Variants in XKRX observed in about 807,000 individuals in gnomAD.
XKRX encodes the protein XK-related protein 2.
In XKRX, 11 loss-of-function variants were observed where a neutral mutation model predicts 22.4. The observed-to-expected ratio is 0.49, with a 90% CI of 0.31 to 0.81. The LOEUF (loss-of-function observed/expected upper bound fraction) is 0.81. XKRX is among the 40% of genes least tolerant of loss of function. XKRX has a pLI of 0.05. For missense variants in XKRX, 320 were observed against 336.5 expected (o/e 0.95, Z 0.38); for synonymous variants, 114 against 132.2 (o/e 0.86, Z 0.94).
At chrX:100,892,513 A>G in the XKRX span, among the ~76,000 whole-genome samples, 4 of 112,513 alleles carry the variant, frequency 3.6e-5, no homozygotes, top group African/African-American at 1.3e-4. Context: ...AAATGAGCAA[A>G]GGATCTGAAT....
the XKRX span, among the ~76,000 whole-genome samples, chrX:100,894,020 GC>G: frequency 9.8e-5 from 11 of 111,849 alleles, no homozygotes; most frequent in Non-Finnish European, 1.9e-4. Flanking sequence ...TGTAATCCCA[GC>G]CCTTTGGGAG....
chrX:100,943,571 T>C, the XKRX span, among the ~76,000 whole-genome samples: 5 of 111,171 alleles, frequency 4.5e-5, no homozygotes, highest in Non-Finnish European at 9.4e-5. Flanking sequence ...GCCCAGCTAA[T>C]TTTTGTATTT....
At chrX:100,915,129 T>C in intron 2 of XKRX, 46 bp from the exon 3 acceptor site, 1 of 1,170,535 alleles carries the variant, frequency 8.5e-7, no homozygotes, top group Non-Finnish European at 1.1e-6. Flanking sequence ...TCAGTCAATG[T>C]TGGTAATGAA....
At chrX:100,950,460 A>T in the XKRX span, among the ~76,000 whole-genome samples, 1 of 112,365 alleles carries the variant, frequency 8.9e-6, no homozygotes. Context: ...AACTTGTAAC[A>T]TTTCTCTCTC....
upstream of XKRX, among the ~76,000 whole-genome samples, chrX:100,930,349 G>A (rs191343954): frequency 5.1e-4 from 56 of 109,489 alleles, no homozygotes; most frequent in Non-Finnish European, 9.9e-4. Context: ...AGCAGAGCCT[G>A]TGCCAATCTC....
chrX:100,919,416 T>C (rs772575758), intron 2 of XKRX, among the ~76,000 whole-genome samples: 1 of 112,167 alleles, frequency 8.9e-6, no homozygotes, highest in South Asian at 3.7e-4. Flanking sequence ...ATATTAAATA[T>C]ATCACACACA....
chrX:100,923,998 G>A lies in XKRX; in HGVS notation c.336-937C>T, dbSNP rs1485015280. Among the ~76,000 whole-genome samples, 5 of 84,938 alleles carry A rather than the reference G, an allele frequency of 5.9e-5. No homozygotes were observed. In the East Asian group the frequency reaches 1.1e-3, roughly 18 times the overall value. 73.8% of individuals were successfully genotyped at this position (84,938 alleles called of 115,157 possible). A position where few individuals can be genotyped will look rare whatever the true frequency, so the allele number is the denominator to read the frequency against. The stretch of plus-strand genomic sequence containing the variant: ...ATTACAGGCATGTGCCACCATGTCC[G>A]GCTAAGGTTTTTTTTTTTTTTTTTT... On this transcript the variant is annotated intron_variant, in intron 1 of 2. Coordinates refer to ENST00000372956, the MANE Select transcript of XKRX (RefSeq NM_212559.3).
chrX:100,932,848 G>C (rs2085525121), upstream of XKRX, among the ~76,000 whole-genome samples: 1 of 112,168 alleles, frequency 8.9e-6, no homozygotes, highest in Non-Finnish European at 1.9e-5. Flanking sequence ...AGAATGCTCA[G>C]TTTGGGCTGT....
At chrX:100,917,661 GAAAGAAAGAAAGA>G (rs1189561932) in intron 2 of XKRX, among the ~76,000 whole-genome samples, 2 of 45,739 alleles carry the variant, frequency 4.4e-5, no homozygotes, top group African/African-American at 1.8e-4. Context: ...AAGAAAGAAA[GAAAGAAAGAAAGA>G]AAAGAAAGAA....
At chrX:100,954,253 T>A in the XKRX span, among the ~76,000 whole-genome samples, 2 of 110,959 alleles carry the variant, frequency 1.8e-5, no homozygotes, top group African/African-American at 6.6e-5. Flanking sequence ...ACCCCATCTC[T>A]ACTAAAAATA....
At chrX:100,910,718 A>G (rs774716263), downstream of XKRX, 27 of 606,453 alleles carry the variant, frequency 4.5e-5, no homozygotes, top group South Asian at 7.3e-4. Context: ...ACCATGCCAC[A>G]GAACGAATAT....
At chrX:100,900,980 C>T in the XKRX span, among the ~76,000 whole-genome samples, 6 of 109,549 alleles carry the variant, frequency 5.5e-5, no homozygotes, top group Admixed American at 9.8e-5. Context: ...TTAGTAGAGA[C>T]GGGGTTTTAC....
At chrX:100,921,934 C>T (rs371639233) in intron 2 of XKRX, among the ~76,000 whole-genome samples, 9 of 102,270 alleles carry the variant, frequency 8.8e-5, no homozygotes, top group Non-Finnish European at 1.4e-4. Context: ...CCCAGGTTCA[C>T]GCCATTCTCC....
At chrX:100,944,622 C>T in the XKRX span, among the ~76,000 whole-genome samples, 1 of 112,369 alleles carries the variant, frequency 8.9e-6, no homozygotes, top group African/African-American at 3.2e-5. Context: ...CTCGGCCTCC[C>T]CAAGTGCGGG....
At chrX:100,911,012 C>A, downstream of XKRX, 2 of 562,041 alleles carry the variant, frequency 3.6e-6, no homozygotes, top group South Asian at 4.6e-5. Context: ...AGCTACAGTA[C>A]TTTCCAATAT....
the XKRX span, among the ~76,000 whole-genome samples, chrX:100,888,743 G>T: frequency 1.8e-5 from 2 of 108,790 alleles, no homozygotes; most frequent in Non-Finnish European, 3.8e-5. Context: ...GATAACATGT[G>T]TATGCTGAGA....
chrX:100,930,860 G>A (rs189794281), upstream of XKRX, among the ~76,000 whole-genome samples: 402 of 110,582 alleles, frequency 3.6e-3, 2 homozygotes, highest in African/African-American at 0.013. Context: ...AGCCGGGCGC[G>A]GTAGCTCATG....
the XKRX span, among the ~76,000 whole-genome samples, chrX:100,941,550 A>C: frequency 9.1e-6 from 1 of 109,589 alleles, no homozygotes; most frequent in African/African-American, 3.3e-5. Flanking sequence ...CTCTGTCTTA[A>C]AAAAAAAAAA....
intron 2 of XKRX, among the ~76,000 whole-genome samples, chrX:100,917,704 A>AAG: frequency 1.9e-5 from 2 of 106,512 alleles, no homozygotes; most frequent in Non-Finnish European, 1.9e-5. Flanking sequence ...GAAAGAAAGA[A>AAG]AGAAAGAAAG....
Sources: gnomAD v4.1 joint callset for allele counts (sites outside exome capture counted in the v4.1 genomes callset) on GRCh38, gnomAD v4.1.1 for gene constraint, MANE v1.5 for transcripts, NCBI Gene and HGNC (gene_info 2026-07-23, HGNC 2026-07-21) for gene names.